UTRN: variants seen among roughly 807,000 people sequenced by gnomAD.
The protein encoded by UTRN is utrophin.
UTRN carries 283 observed loss-of-function variants against 463.9 expected under a neutral mutation model. That is an observed-to-expected ratio of 0.61 (90% CI 0.55 to 0.67). The LOEUF (loss-of-function observed/expected upper bound fraction) is 0.67. Ranked by LOEUF, UTRN falls within the 30% of genes least tolerant of loss-of-function variation. UTRN has a pLI of 0.00. For synonymous variants in UTRN, 1,442 were observed against 1,431.5 expected (o/e 1.01, Z -0.17); for missense variants, 3,922 against 4,084.3 (o/e 0.96, Z 1.08).
intron 61 of UTRN, among the ~76,000 whole-genome samples, chr6:144,784,724 A>G (rs929935014): frequency 6.6e-6 from 1 of 152,220 alleles, no homozygotes; most frequent in Non-Finnish European, 1.5e-5. Context: ...TATTCTAGGG[A>G]GTTAAATGTT....
chr6:144,342,373 A>ACACACC (rs1491420459), intron 2 of UTRN, among the ~76,000 whole-genome samples: 1 of 139,962 alleles, frequency 7.1e-6, no homozygotes, highest in African/African-American at 2.7e-5. Context: ...ACACACACAC[A>ACACACC]CCCGCCACAC....
chr6:144,707,646 T>C (rs951035745), intron 53 of UTRN, among the ~76,000 whole-genome samples: 2 of 152,188 alleles, frequency 1.3e-5, no homozygotes, highest in African/African-American at 4.8e-5. Context: ...CAACCTATAG[T>C]GTAAATCAGA....
chr6:144,451,346 G>A, intron 17 of UTRN, 24 bp from the exon 18 acceptor site: 1 of 1,596,980 alleles, frequency 6.3e-7, no homozygotes, highest in Non-Finnish European at 8.5e-7. Flanking sequence ...CATGACAAAT[G>A]GTCACCTCTG....
intron 63 of UTRN, among the ~76,000 whole-genome samples, chr6:144,795,503 TC>T (rs1777134428): frequency 6.6e-6 from 1 of 152,194 alleles, no homozygotes; most frequent in African/African-American, 2.4e-5. Flanking sequence ...GTAAAAGCAT[TC>T]CTATTTCTCC....
intron 33 of UTRN, among the ~76,000 whole-genome samples, chr6:144,494,645 G>C (rs574199254): frequency 2.6e-5 from 4 of 152,142 alleles, no homozygotes; most frequent in Non-Finnish European, 5.9e-5. Context: ...TGATTGGTGC[G>C]TTTACAATCC....
At chr6:144,455,625 T>C (rs1430896618) in intron 19 of UTRN, among the ~76,000 whole-genome samples, 1 of 152,070 alleles carries the variant, frequency 6.6e-6, no homozygotes, top group East Asian at 1.9e-4. Flanking sequence ...AGATGAGAAG[T>C]TGGTGCGAGG....
At chr6:144,567,490 T>C (rs1253158893) in intron 50 of UTRN, among the ~76,000 whole-genome samples, 2 of 152,160 alleles carry the variant, frequency 1.3e-5, no homozygotes, top group African/African-American at 4.8e-5. Flanking sequence ...GATGCTCCTT[T>C]GGGTTCACAA....
chr6:144,443,297 A>C (rs181204042), intron 13 of UTRN, among the ~76,000 whole-genome samples: 2 of 152,190 alleles, frequency 1.3e-5, no homozygotes, highest in African/African-American at 4.8e-5. Flanking sequence ...ACTTGTATGC[A>C]GTAGTTAGTT....
chr6:144,803,927 C>A (rs1425895191), intron 65 of UTRN, among the ~76,000 whole-genome samples: 1 of 151,976 alleles, frequency 6.6e-6, no homozygotes, highest in Non-Finnish European at 1.5e-5. Flanking sequence ...ATAGGTTTAT[C>A]CCAATTTACA....
At chr6:144,663,604 C>A (rs972533106) in intron 51 of UTRN, among the ~76,000 whole-genome samples, 6 of 152,030 alleles carry the variant, frequency 3.9e-5, no homozygotes, top group Admixed American at 3.9e-4. Flanking sequence ...TTTATTCAGA[C>A]CTGCTACTGA....
In UTRN at chr6:144,678,504, T is replaced by G. The variant is rs778026799; in HGVS notation, c.7578T>G (p.Ala2526=). 2 of 1,613,282 alleles carry G rather than the reference T, an allele frequency of 1.2e-6. No individual in the cohort carries two copies. The change falls in exon 52 of 75, where the codon GCT becomes GCG. Residue 2526 remains alanine, a synonymous_variant. Coordinates refer to ENST00000367545, the MANE Select transcript of UTRN (RefSeq NM_007124.3). ...MVKALGNSEE[A]TMLQHRLDDM... ...AAGCTTTGGGAAATTCTGAAGAGGC[T>G]ACTATGCTTCAACATCGACTGGATG...
At chr6:144,514,619 A>G in intron 36 of UTRN, 31 bp from the exon 37 acceptor site, 2 of 1,606,914 alleles carry the variant, frequency 1.2e-6, no homozygotes, top group East Asian at 4.5e-5. Flanking sequence ...GATTTTTCCC[A>G]TGAGATAATT....
intron 68 of UTRN, among the ~76,000 whole-genome samples, chr6:144,828,296 G>T (rs1780365445): frequency 6.6e-6 from 1 of 152,110 alleles, no homozygotes; most frequent in Admixed American, 6.6e-5. Flanking sequence ...CTGGGAAAGG[G>T]CATGGTTTGT....
chr6:144,487,802 G>GTTA (rs1792619629), intron 29 of UTRN, 105 bp downstream of exon 29: 1 of 1,153,478 alleles, frequency 8.7e-7, no homozygotes, highest in Admixed American at 2.9e-5. Context: ...CTTTAATGTT[G>GTTA]GTTAAAGTTG....
chr6:144,447,480 A>G, intron 15 of UTRN, 122 bp from the exon 16 acceptor site: 2 of 1,325,098 alleles, frequency 1.5e-6, no homozygotes, highest in Non-Finnish European at 2.1e-6. Context: ...ACCTTTTAGC[A>G]TAGTGAACTG....
chr6:144,314,591 G>A (rs1200858019), intron 2 of UTRN, among the ~76,000 whole-genome samples: 1 of 152,174 alleles, frequency 6.6e-6, no homozygotes, highest in Non-Finnish European at 1.5e-5. Context: ...TCCCATTTCA[G>A]AAAGGCTATG....
intron 70 of UTRN, 51 bp from the exon 71 acceptor site, chr6:144,836,250 A>G: frequency 1.2e-6 from 2 of 1,608,774 alleles, no homozygotes; most frequent in Non-Finnish European, 1.7e-6. Context: ...GATTTTGGAG[A>G]GACGATAATG....
At chr6:144,434,605 A>G (rs376587747) in intron 9 of UTRN, among the ~76,000 whole-genome samples, 1 of 152,166 alleles carries the variant, frequency 6.6e-6, no homozygotes, top group East Asian at 1.9e-4. Context: ...ATAGTGGGAT[A>G]TGAGAGTTTG....
chr6:144,707,811 G>A (rs190671744), intron 53 of UTRN, among the ~76,000 whole-genome samples: 1 of 152,144 alleles, frequency 6.6e-6, no homozygotes, highest in Non-Finnish European at 1.5e-5. Flanking sequence ...AGAACTGCTG[G>A]ACTAGGCATT....
Sources: gnomAD v4.1 joint callset for allele counts (sites outside exome capture counted in the v4.1 genomes callset) on GRCh38, gnomAD v4.1.1 for gene constraint, MANE v1.5 for transcripts, NCBI Gene and HGNC (gene_info 2026-07-23, HGNC 2026-07-21) for gene names.